Variants in VCAN observed in about 807,000 individuals in gnomAD.
VCAN encodes versican core protein.
A neutral mutation model predicts 245.5 loss-of-function variants in VCAN; 44 were observed. The ratio of observed to expected loss-of-function variants is 0.18; its 90% CI spans 0.14 to 0.23. The LOEUF is 0.23. VCAN is among the 10% of genes least tolerant of loss of function. The pLI, the probability that VCAN is intolerant of heterozygous loss-of-function variation, is 1.00. For synonymous variants in VCAN, 1,413 were observed against 1,437.0 expected (o/e 0.98, Z 0.38); for missense variants, 3,793 against 4,057.9 (o/e 0.93, Z 1.77).
At chr5:83,579,482 C>G (rs1748592707) in intron 13 of VCAN, among the ~76,000 whole-genome samples, 1 of 152,104 alleles carries the variant, frequency 6.6e-6, no homozygotes, top group African/African-American at 2.4e-5. Context: ...CCAGGATGGT[C>G]TTAATCTCTT....
At chr5:83,578,770 G>A (rs831588) in intron 13 of VCAN, among the ~76,000 whole-genome samples, 124,774 of 152,066 alleles carry the variant, frequency 0.82, 51,449 homozygotes, top group African/African-American at 0.9. Context: ...GAATTCTTAA[G>A]CAATAGAAAT....
chr5:83,493,193 A>G (rs1470460766), intron 3 of VCAN, among the ~76,000 whole-genome samples: 7 of 152,200 alleles, frequency 4.6e-5, no homozygotes, highest in African/African-American at 7.2e-5. Flanking sequence ...AGGTCTTTGT[A>G]TCTTCTGCAG....
intron 5 of VCAN, among the ~76,000 whole-genome samples, chr5:83,495,814 C>T (rs1045432486): frequency 6.6e-6 from 1 of 152,158 alleles, no homozygotes; most frequent in East Asian, 1.9e-4. Flanking sequence ...GGTGGGCTTT[C>T]GTGATTCAAA....
chr5:83,517,693 A>G (rs1184248619), intron 6 of VCAN, among the ~76,000 whole-genome samples: 1 of 152,188 alleles, frequency 6.6e-6, no homozygotes, highest in East Asian at 1.9e-4. Context: ...GCTTTTCTTT[A>G]AAAAGGGGAG....
chr5:83,517,081 C>G (rs2112401349), intron 6 of VCAN, among the ~76,000 whole-genome samples: 1 of 152,268 alleles, frequency 6.6e-6, no homozygotes, highest in East Asian at 1.9e-4. Context: ...TACTGGCTTT[C>G]TAGAACAGAT....
Position 83,520,084 on chromosome 5 carries a change from A to T in VCAN, c.1778A>T (p.His593Leu). 1 of 1,614,046 alleles carries T rather than the reference A, an allele frequency of 6.2e-7. No homozygotes were observed. The highest frequency in any genetic ancestry group is 8.5e-7 in the Non-Finnish European group (1 of 1,179,962). ...ACTTCAGAAGACACCATCCACACTC[A>T]TTTAGAAGACTTGGAGTCAGTCTCA... ...SKTSEDTIHTHLEDLESVSAS... is the reference protein window; with the variant it reads ...SKTSEDTIHTLLEDLESVSAS... The change falls in exon 7 of 15, where the codon CAT becomes CTT. Residue 593 changes from histidine to leucine, a missense_variant. Coordinates refer to ENST00000265077, the MANE Select transcript of VCAN (RefSeq NM_004385.5).
intron 5 of VCAN, among the ~76,000 whole-genome samples, chr5:83,506,780 A>G (rs1198960109): frequency 6.6e-6 from 1 of 152,186 alleles, no homozygotes; most frequent in East Asian, 1.9e-4. Flanking sequence ...GTTTAATTGG[A>G]CTTATATTTC....
At position 83,559,365 on chromosome 5, in the gene VCAN, G is replaced by A. The variant is rs1001071000; in HGVS notation, c.9735+4327G>A. Among the ~76,000 whole-genome samples the A allele has an allele frequency of 4.6e-5, 7 of 152,042 alleles. No individual in the cohort carries two copies. The South Asian group carries it at 1.4e-3, about 31-fold the overall frequency. On this transcript the variant is annotated intron_variant, in intron 12 of 14. Coordinates refer to ENST00000265077, the MANE Select transcript of VCAN (RefSeq NM_004385.5). ...TGTCGCTCCCTTAAAATTCTTCAGTGTCTGCTCATTGCCTTCAGTATAAAA... is the reference window on the plus strand; with the variant it reads ...TGTCGCTCCCTTAAAATTCTTCAGTATCTGCTCATTGCCTTCAGTATAAAA...
intron 6 of VCAN, among the ~76,000 whole-genome samples, chr5:83,514,083 A>G (rs1038112660): frequency 1.3e-5 from 2 of 152,226 alleles, no homozygotes; most frequent in Admixed American, 1.3e-4. Flanking sequence ...TTTAATTGAA[A>G]AATACACATG....
At chr5:83,522,773 T>C (rs1746156103) in intron 7 of VCAN, among the ~76,000 whole-genome samples, 1 of 152,236 alleles carries the variant, frequency 6.6e-6, no homozygotes, top group Non-Finnish European at 1.5e-5. Flanking sequence ...GCTTTGGTTT[T>C]TCTCTTCCAG....
intron 10 of VCAN, among the ~76,000 whole-genome samples, chr5:83,549,517 A>G (rs1747377579): frequency 1.3e-5 from 2 of 152,212 alleles, no homozygotes; most frequent in South Asian, 4.1e-4. Context: ...TCTACAGCCC[A>G]AGTTTCTCTG....
chr5:83,560,973 A>G (rs572333718), intron 12 of VCAN, among the ~76,000 whole-genome samples: 1 of 152,300 alleles, frequency 6.6e-6, no homozygotes, highest in East Asian at 1.9e-4. Context: ...AGGACTGAAT[A>G]AAACTGACAT....
chr5:83,477,607 A>G (rs990770231), intron 1 of VCAN, among the ~76,000 whole-genome samples: 7 of 152,232 alleles, frequency 4.6e-5, no homozygotes, highest in Non-Finnish European at 7.3e-5. Flanking sequence ...AGCAAAACAT[A>G]AAACCCAGTG....
intron 6 of VCAN, chr5:83,512,781 C>T (rs1406187393): frequency 4.8e-5 from 8 of 166,142 alleles, no homozygotes; most frequent in African/African-American, 9.6e-5. Context: ...TTGATTTTGT[C>T]TTCGGTATCA....
At chr5:83,516,052 G>A (rs1353955187) in intron 6 of VCAN, among the ~76,000 whole-genome samples, 2 of 152,170 alleles carry the variant, frequency 1.3e-5, no homozygotes, top group East Asian at 3.9e-4. Context: ...CTAACACGGT[G>A]AAACCCCATC....
At chr5:83,532,197 T>C (rs566036601) in intron 7 of VCAN, among the ~76,000 whole-genome samples, 260 of 152,190 alleles carry the variant, frequency 1.7e-3, no homozygotes, top group African/African-American at 6.0e-3. Flanking sequence ...GAAACTTTTC[T>C]GGTTTGCAAT....
rs553097441 is a variant in VCAN, at chr5:83,504,674, G to A, written c.749-7429G>A. Reference sequence around the variant, plus strand: ...TAGGATTACAGGCATGAGCCACTGCGCCCAGCCTGATGAATTCTTATTATA... The same window carrying A: ...TAGGATTACAGGCATGAGCCACTGCACCCAGCCTGATGAATTCTTATTATA... On this transcript the variant is annotated intron_variant, in intron 5 of 14. Coordinates refer to ENST00000265077, the MANE Select transcript of VCAN (RefSeq NM_004385.5). Among the ~76,000 whole-genome samples, 15 of 152,244 alleles carry A rather than the reference G, an allele frequency of 9.9e-5. No individual in the cohort carries two copies. The South Asian group carries it at 1.5e-3, about 15-fold the overall frequency.
At chr5:83,509,559 C>T (rs1561237651) in intron 5 of VCAN, among the ~76,000 whole-genome samples, 1 of 152,198 alleles carries the variant, frequency 6.6e-6, no homozygotes, top group Non-Finnish European at 1.5e-5. Flanking sequence ...CTTTGCCCTT[C>T]CGTGGTTGGC....
At chr5:83,507,160 A>T (rs1251613404) in intron 5 of VCAN, among the ~76,000 whole-genome samples, 1 of 152,196 alleles carries the variant, frequency 6.6e-6, no homozygotes, top group Non-Finnish European at 1.5e-5. Flanking sequence ...CTGTGCTCTA[A>T]TTACAACTTT....
Sources: allele counts gnomAD v4.1 joint callset (sites outside exome capture counted in the v4.1 genomes callset), GRCh38; gene constraint gnomAD v4.1.1; transcripts MANE v1.5; gene names NCBI Gene and HGNC (gene_info 2026-07-23, HGNC 2026-07-21).